The following CACTIN variants were observed in gnomAD, a reference collection of about 807,000 sequenced individuals.
CACTIN encodes splicing factor Cactin.
CACTIN carries 20 observed loss-of-function variants against 84.9 expected under a neutral mutation model. The ratio of observed to expected loss-of-function variants is 0.24; its 90% confidence interval spans 0.17 to 0.34. CACTIN has a LOEUF of 0.34. Among genes scored for constraint, CACTIN ranks in the 10% least tolerant of loss-of-function variants. CACTIN has a pLI of 1.00. For synonymous variants in CACTIN, 549 were observed against 467.9 expected, an observed-to-expected ratio of 1.17 and a Z score of -2.24; for missense variants, 897 against 1,117.2, an observed-to-expected ratio of 0.80 and a Z score of 2.81.
chr19:3,620,078 G>A (rs756714520), intron 4 of CACTIN, 49 bp downstream of exon 4: 30 of 1,598,472 alleles, frequency 1.9e-5, no homozygotes, highest in African/African-American at 1.2e-4. Context: ...GCCAGTGCCC[G>A]GCCCTGGCTC....
intron 7 of CACTIN, among the ~76,000 whole-genome samples, 166 bp downstream of exon 7, chr19:3,614,231 C>T (rs1001259480): frequency 6.6e-6 from 1 of 152,126 alleles, no homozygotes; most frequent in African/African-American, 2.4e-5. Context: ...CCCCGGCCCC[C>T]CTTCGTCACT....
Position 3,614,565 on chromosome 19 carries a change from G to A in CACTIN, c.1187C>T (p.Ala396Val), listed in dbSNP as rs1333334600. 1.2e-6 allele frequency: 2 copies of A among 1,606,854 alleles called. No individual in the cohort carries two copies. Among genetic ancestry groups the A allele is most frequent in the African/African-American group, 1.3e-5 (1 of 74,922 alleles). The change falls in exon 7 of 10, where the codon GCC becomes GTC. Residue 396 changes from alanine to valine, a missense_variant. Coordinates refer to ENST00000429344, the MANE Select transcript of CACTIN (RefSeq NM_001080543.2). ...GPGERREGVN[A>V]SVSSDVQSVF... ...CGACTGCACATCAGAGCTGACGGAG[G>A]CGTTGACCCCCTCGCGGCGCTCACC...
intron 2 of CACTIN, chr19:3,621,138 G>A (rs750292765): frequency 2.6e-5 from 11 of 430,408 alleles, no homozygotes; most frequent in Admixed American, 7.1e-5. Flanking sequence ...AGCCTTGCTC[G>A]GGGCCTGCTG....
At chr19:3,619,397 G>A (rs904743568) in intron 4 of CACTIN, among the ~76,000 whole-genome samples, 155 bp from the exon 5 acceptor site, 4 of 152,210 alleles carry the variant, frequency 2.6e-5, no homozygotes, top group South Asian at 2.1e-4. Flanking sequence ...AGGAGGAGGA[G>A]GCATAAGGTA....
rs1454100538 is a variant in CACTIN at position 3,623,964 on chromosome 19, C to T, written c.366G>A (p.Gly122=). The part of the protein sequence containing the change: ...SSSASSSASP[G]RSQSPRAAAA... ...CGGCCGCCCGGGGGCTCTGGGATCG[C>T]CCTGGAGACGCGGAGCTGGATGCTG... is the stretch of plus-strand genomic sequence containing the variant. The change falls in exon 2 of 10, where the codon GGG becomes GGA. Residue 122 remains glycine (G), a synonymous_variant. Transcript: ENST00000429344. 2.5e-6 allele frequency: 4 copies of T among 1,603,476 alleles called. No homozygotes were observed. Among genetic ancestry groups the T allele is most frequent in the Non-Finnish European group, 3.4e-6 (4 of 1,178,604 alleles).
At chr19:3,619,054 G>C in intron 5 of CACTIN, 26 bp downstream of exon 5, 1 of 1,550,846 alleles carries the variant, frequency 6.4e-7, no homozygotes, top group Non-Finnish European at 8.7e-7. Context: ...GTGCAGGTCA[G>C]AGGAGCATCG....
At chr19:3,621,224 C>T (rs141013245) in intron 2 of CACTIN, among the ~76,000 whole-genome samples, 14 of 152,214 alleles carry the variant, frequency 9.2e-5, no homozygotes, top group Non-Finnish European at 2.1e-4. Flanking sequence ...CCCCACTGCA[C>T]GTGGGACAGG....
chr19:3,624,105 C>T lies in CACTIN; in HGVS notation c.225G>A (p.Pro75=), dbSNP rs376574412. The T allele has an allele frequency of 1.1e-5, 18 of 1,588,492 alleles. No individual in the cohort carries two copies. The highest frequency in any genetic ancestry group is 3.3e-5 in the South Asian group (3 of 90,642). ...CATCTCTTGAGTGCCACTTGGGCCG[C>T]GGGGGGCTCCGGCTTCGCATCCCTG... ...QRSGMRSRSP[P]RPKWHSRDGS... is the part of the protein sequence containing the mutation. The change falls in exon 2 of 10, where the codon CCG becomes CCA. Residue 75 remains proline (P), a synonymous_variant. Coordinates refer to ENST00000429344, the MANE Select transcript of CACTIN (RefSeq NM_001080543.2).
Position 3,620,232 on chromosome 19 carries a change from A to G in CACTIN, c.779T>C (p.Met260Thr). The change falls in exon 4 of 10, where the codon ATG (methionine) becomes ACG (threonine). Residue 260 changes from methionine to threonine, a missense_variant. Met to Thr is a moderately conservative substitution (Grantham distance 81, BLOSUM62 -1). Transcript: ENST00000429344. The part of the protein sequence containing the change: ...LRLEREREKA[M>T]REQELEMLQR... ...CAGCATCTCCAGCTCCTGCTCGCGC[A>G]TGGCCTTCTCCCGCTCCCGCTCCAG... 6.3e-7 allele frequency: 1 copy of G among 1,596,404 alleles called. No individual in the cohort carries two copies. The highest frequency in any genetic ancestry group is 1.7e-5 in the Admixed American group (1 of 58,254).
At position 3,621,033 on chromosome 19, in the gene CACTIN, G is replaced by C. The variant is rs570845233; in HGVS notation, c.643-231C>G. 1.3e-4 allele frequency: 86 copies of C among 639,904 alleles called. No homozygotes were observed. The African/African-American group carries it at 1.4e-3, about 11-fold the overall frequency. 39.6% of individuals were successfully genotyped at this position (639,904 alleles called of 1,614,324 possible). On this transcript the variant is annotated intron_variant, in intron 2 of 9. Coordinates refer to ENST00000429344, the MANE Select transcript of CACTIN (RefSeq NM_001080543.2). The stretch of plus-strand genomic sequence containing the variant: ...AGATGTATGCAAAGGGTAAGAAGGG[G>C]CTACCCCAACTCTCAACAGGAGGGC...
At chr19:3,621,003 G>C in intron 2 of CACTIN, 1 of 687,514 alleles carries the variant, frequency 1.5e-6, no homozygotes, top group Non-Finnish European at 2.7e-6. Context: ...CCCCCACTGG[G>C]AGTGAGATGT....
At chr19:3,616,241 C>G (rs981424255) in intron 6 of CACTIN, 1 of 152,258 alleles carries the variant, frequency 6.6e-6, no homozygotes, top group Non-Finnish European at 1.5e-5. Flanking sequence ...TTCTACTGCA[C>G]AACCTCCTGT....
chr19:3,626,750 T>C lies in CACTIN; in HGVS notation c.13A>G (p.Thr5Ala), dbSNP rs775674838. 2 of 1,450,556 alleles carry C rather than the reference T, an allele frequency of 1.4e-6. No homozygotes were observed. The highest frequency in any genetic ancestry group is 2.9e-5 in the East Asian group (1 of 34,870). The allele number at this position is 1,450,556 out of a possible 1,614,324, so 89.9% of individuals were successfully genotyped here. A position where few individuals can be genotyped will look rare whatever the true frequency, so the allele number is the denominator to read the frequency against. Reference protein sequence around the residue: MGRDTRSRSRSAGRR... With the variant: MGRDARSRSRSAGRR... ...CCCGCGGACCGCGAGCGCGAGCGTG[T>C]GTCCCGACCCATCGGCTGGGCCAGT... Residue 5 changes from threonine to alanine, a missense_variant, in exon 1 of 10, where the codon ACA (threonine) becomes GCA (alanine). By Grantham distance (58) the Thr-to-Ala change is moderately conservative (BLOSUM62 0). Coordinates refer to ENST00000429344, the MANE Select transcript of CACTIN (RefSeq NM_001080543.2).
Position 3,613,352 on chromosome 19 carries a change from C to T in CACTIN, c.1492G>A (p.Asp498Asn). The stretch of plus-strand genomic sequence containing the variant: ...GGCCCGGGCGGGGTGGGCGCCGCGT[C>T]CTCAGGCTCCAGGCTGGGAGGAGAG... ...QSPSRSLEPE[D>N]AAPTPPGPSS... is the part of the protein sequence containing the mutation. The change falls in exon 9 of 10, where the codon GAC becomes AAC. Residue 498 changes from aspartate (D) to asparagine (N), a missense_variant. By Grantham distance (23) the Asp-to-Asn change is conservative. This residue lies in a region of CACTIN where 243 missense variants were observed against 239.9 expected (regional missense o/e 1.01). Transcript: ENST00000429344. The T allele has an allele frequency of 6.6e-7, 1 of 1,512,198 alleles. No individual in the cohort carries two copies. Among genetic ancestry groups the T allele is most frequent in the Non-Finnish European group, 8.8e-7 (1 of 1,135,916 alleles). 93.7% of individuals were successfully genotyped at this position (1,512,198 alleles called of 1,614,324 possible). A position where few individuals can be genotyped will look rare whatever the true frequency, so the allele number is the denominator to read the frequency against.
chr19:3,614,471 A>G lies in CACTIN; in HGVS notation c.1281T>C (p.Ala427=). 2 of 1,600,438 alleles carry G rather than the reference A, an allele frequency of 1.2e-6. No individual in the cohort carries two copies. The highest frequency in any genetic ancestry group is 1.7e-6 in the Non-Finnish European group (2 of 1,173,594). ...AGCCCATGTCCAGGTTGGGGCCACC[A>G]GCGCGGATTTTGCCCTCGATGCCCT... ...IFQGIEGKIR[A]GGPNLDMGYW... The change falls in exon 7 of 10, where the codon GCT becomes GCC. Residue 427 remains alanine (A), a synonymous_variant. Coordinates refer to ENST00000429344, the MANE Select transcript of CACTIN (RefSeq NM_001080543.2).
intron 6 of CACTIN, among the ~76,000 whole-genome samples, chr19:3,617,681 T>TA (rs2033134698): frequency 2.0e-5 from 3 of 151,388 alleles, no homozygotes; most frequent in East Asian, 2.0e-4. Flanking sequence ...CCAGGCTTCC[T>TA]GCAGCCGGTG....
rs1404444292 is a variant in CACTIN, at chr19:3,612,019, C to T, written c.2181G>A (p.Glu727=). The change falls in exon 10 of 10, where the codon GAG becomes GAA. Residue 727 remains glutamate (E), a synonymous_variant. Transcript: ENST00000429344. ...AGCCGTGGCGGTGCGAGTATTCCCA[C>T]TCGCGGTTGACGATCTTGAAAGCGA... ...EDIAFKIVNR[E]WEYSHRHGFR... The T allele has an allele frequency of 6.2e-7, 1 of 1,613,600 alleles. No individual in the cohort carries two copies. Among genetic ancestry groups the T allele is most frequent in the Non-Finnish European group, 8.5e-7 (1 of 1,179,906 alleles).
At chr19:3,624,236 C>T (rs577652116) in intron 1 of CACTIN, 74 bp from the exon 2 acceptor site, 25 of 1,336,110 alleles carry the variant, frequency 1.9e-5, no homozygotes, top group South Asian at 6.9e-5. Context: ...ACTGGGTGCC[C>T]GTGGGGGAGC....
rs567945737 is a variant in CACTIN at position 3,611,573 on chromosome 19, C to T, written c.*350G>A. ...CCACTTGGGGCAGGCCCTGTGGGCC[C>T]CACCCAGCCTGGCTGAGGGGCGGTG... is the stretch of plus-strand genomic sequence containing the variant. On this transcript the variant is annotated 3_prime_UTR_variant, in exon 10 of 10. Coordinates refer to ENST00000429344, the MANE Select transcript of CACTIN (RefSeq NM_001080543.2). 133 of 380,702 alleles carry T rather than the reference C, an allele frequency of 3.5e-4. No individual in the cohort carries two copies. The highest frequency in any genetic ancestry group is 8.0e-4 in the Admixed American group (21 of 26,262). The allele number at this position is 380,702 out of a possible 1,614,324, so 23.6% of individuals were successfully genotyped here.
Sources: allele counts gnomAD v4.1 joint callset (sites outside exome capture counted in the v4.1 genomes callset), GRCh38; gene constraint gnomAD v4.1.1; regional missense constraint gnomAD v4.1.1; transcripts MANE v1.5; gene names NCBI Gene and HGNC (gene_info 2026-07-23, HGNC 2026-07-21).